Variants in AMPH observed in about 807,000 individuals in gnomAD.
AMPH encodes amphiphysin, also known as amphiphysin (Stiff-Mann syndrome with breast cancer 128kD autoantigen).
In AMPH, 49 loss-of-function variants were observed where a neutral mutation model predicts 99.1. That is an observed-to-expected ratio of 0.49 (90% confidence interval 0.39 to 0.63). The LOEUF (loss-of-function observed/expected upper bound fraction) is 0.63, where lower values mean the gene tolerates loss of function less well. Ranked by LOEUF, AMPH falls within the 20% of genes least tolerant of loss-of-function variation. The pLI, the probability that AMPH is intolerant of heterozygous loss-of-function variation, is 0.00. For synonymous variants in AMPH, 314 were observed against 317.3 expected (o/e 0.99, Z 0.11); for missense variants, 759 against 863.4 (o/e 0.88, Z 1.52).
intron 2 of AMPH, among the ~76,000 whole-genome samples, chr7:38,526,784 T>C (rs537170879): frequency 7.3e-4 from 111 of 152,208 alleles, no homozygotes; most frequent in Non-Finnish European, 1.3e-3. Flanking sequence ...GTCCAATTTA[T>C]CACATTTTCC....
At chr7:38,420,001 T>G (rs914244240) in intron 16 of AMPH, among the ~76,000 whole-genome samples, 1 of 152,182 alleles carries the variant, frequency 6.6e-6, no homozygotes, top group Non-Finnish European at 1.5e-5. Context: ...TGAGCCCAAT[T>G]GCATTTGCTT....
intron 1 of AMPH, among the ~76,000 whole-genome samples, chr7:38,555,068 G>A (rs1032253128): frequency 2.0e-5 from 3 of 152,154 alleles, no homozygotes; most frequent in Non-Finnish European, 2.9e-5. Flanking sequence ...TCCTTGAAGT[G>A]GTGAGCACAA....
intron 7 of AMPH, among the ~76,000 whole-genome samples, chr7:38,470,679 G>C (rs928539108): frequency 3.3e-5 from 5 of 151,840 alleles, no homozygotes; most frequent in Admixed American, 6.6e-5. Flanking sequence ...AACTCTCATG[G>C]CATCATTACC....
At chr7:38,451,653 T>C (rs1168750462) in intron 11 of AMPH, among the ~76,000 whole-genome samples, 1 of 152,136 alleles carries the variant, frequency 6.6e-6, no homozygotes, top group Non-Finnish European at 1.5e-5. Context: ...AACATGCCGA[T>C]GTAAACTGTG....
chr7:38,516,880 T>C (rs566656179), intron 2 of AMPH, among the ~76,000 whole-genome samples: 15 of 152,194 alleles, frequency 9.9e-5, no homozygotes, highest in Non-Finnish European at 2.2e-4. Flanking sequence ...AGGGAGATTA[T>C]TTTGGACCCT....
chr7:38,452,559 C>A (rs929922935), intron 11 of AMPH, among the ~76,000 whole-genome samples: 18 of 152,122 alleles, frequency 1.2e-4, no homozygotes, highest in African/African-American at 4.3e-4. Context: ...TGTATGTGTC[C>A]AACTACCCTA....
chr7:38,624,267 A>C (rs1264983118), intron 1 of AMPH, among the ~76,000 whole-genome samples: 4 of 151,672 alleles, frequency 2.6e-5, no homozygotes, highest in African/African-American at 9.8e-5. Flanking sequence ...ATGAAAAAAA[A>C]ATTGCACCTA....
chr7:38,516,209 T>C (rs1302996526), intron 2 of AMPH, among the ~76,000 whole-genome samples: 1 of 152,212 alleles, frequency 6.6e-6, no homozygotes, highest in African/African-American at 2.4e-5. Flanking sequence ...GAAAATGCCT[T>C]GAAGGCATTT....
intron 1 of AMPH, among the ~76,000 whole-genome samples, chr7:38,569,440 T>A (rs67478317): frequency 6.6e-6 from 1 of 151,656 alleles, no homozygotes; most frequent in African/African-American, 2.4e-5. Context: ...CCTTTGTATC[T>A]AAAGAAAACA....
chr7:38,521,651 A>C (rs570718274), intron 2 of AMPH, among the ~76,000 whole-genome samples: 2 of 152,090 alleles, frequency 1.3e-5, no homozygotes, highest in Admixed American at 1.3e-4. Context: ...CTTTTTTTTT[A>C]ATACTTCATT....
chr7:38,565,493 C>T (rs892655813), intron 1 of AMPH, among the ~76,000 whole-genome samples: 1 of 152,234 alleles, frequency 6.6e-6, no homozygotes, highest in Admixed American at 6.5e-5. Context: ...TTTTTCTGTG[C>T]ACGTGCTCTT....
chr7:38,458,399 C>A (rs1562768692), intron 11 of AMPH, among the ~76,000 whole-genome samples: 1 of 151,922 alleles, frequency 6.6e-6, no homozygotes, highest in South Asian at 2.1e-4. Context: ...AACAAAAACA[C>A]CAACAACAAA....
intron 1 of AMPH, among the ~76,000 whole-genome samples, chr7:38,537,102 T>G (rs773866078): frequency 6.6e-6 from 1 of 152,184 alleles, no homozygotes. Flanking sequence ...TTGTAAGAAA[T>G]GTACACATTA....
At chr7:38,464,236 A>C in intron 9 of AMPH, 1 of 784,442 alleles carries the variant, frequency 1.3e-6, no homozygotes, top group South Asian at 1.5e-5. Flanking sequence ...TAAGGGAACA[A>C]CCCTAAATTT....
chr7:38,402,392 T>C (rs922605392), intron 17 of AMPH, among the ~76,000 whole-genome samples: 6 of 152,192 alleles, frequency 3.9e-5, no homozygotes, highest in African/African-American at 1.4e-4. Context: ...GCTCTATAGG[T>C]GTTTGCTAAT....
chr7:38,621,302 C>A (rs1228604826), intron 1 of AMPH, among the ~76,000 whole-genome samples: 1 of 152,136 alleles, frequency 6.6e-6, no homozygotes, highest in Admixed American at 6.6e-5. Flanking sequence ...TAACTATGTA[C>A]TTAGTAGTGT....
At chr7:38,416,617 G>A (rs1051105077) in intron 17 of AMPH, among the ~76,000 whole-genome samples, 2 of 151,952 alleles carry the variant, frequency 1.3e-5, no homozygotes, top group African/African-American at 4.8e-5. Context: ...TAATAGTAAC[G>A]AAAAATTAAA....
chr7:38,429,811 A>G lies in AMPH; in HGVS notation c.1182+31T>C, dbSNP rs201327963. 1.6e-4 allele frequency: 256 copies of G among 1,598,328 alleles called. No individual in the cohort carries two copies. The African/African-American group carries it at 3.1e-3, about 20-fold the overall frequency. On this transcript the variant is annotated intron_variant, in intron 14 of 20. Transcript: ENST00000356264. ...TATGTAATGCATATCAAATACCAAA[A>G]AAATCCAGAATGATCTGGATATTTA...
chr7:38,471,596 A>G (rs1042666553), intron 7 of AMPH, among the ~76,000 whole-genome samples: 4 of 152,178 alleles, frequency 2.6e-5, no homozygotes, highest in African/African-American at 7.2e-5. Flanking sequence ...CGAAGCAATT[A>G]CCAAAATAGT....
Sources: allele counts gnomAD v4.1 joint callset (sites outside exome capture counted in the v4.1 genomes callset), GRCh38; gene constraint gnomAD v4.1.1; transcripts MANE v1.5; gene names NCBI Gene and HGNC (gene_info 2026-07-23, HGNC 2026-07-21).